Variants in RSRC1 observed in about 807,000 individuals in gnomAD.
The protein encoded by RSRC1 is arginine and serine rich coiled-coil 1.
Under a neutral mutation model 49.1 loss-of-function variants are expected in RSRC1, and 39 were observed. The observed-to-expected ratio is 0.79, with a 90% CI of 0.61 to 1.04. The LOEUF (loss-of-function observed/expected upper bound fraction) is 1.04, where lower values mean the gene tolerates loss of function less well. Ranked by LOEUF, RSRC1 falls within the 50% of genes least tolerant of loss-of-function variation. The pLI is 0.00. For synonymous variants in RSRC1, 143 were observed against 130.8 expected (o/e 1.09, Z -0.63); for missense variants, 388 against 402.4 (o/e 0.96, Z 0.31).
chr3:158,338,722 T>A lies in RSRC1; in HGVS notation c.532-16135T>A, dbSNP rs547179354. On this transcript the variant is annotated intron_variant, in intron 5 of 9. Transcript: ENST00000611884. The stretch of plus-strand genomic sequence containing the variant: ...ATTAAAAATGATTAGATTTATCTTT[T>A]TTCCCTATGAAAGTTAATGAGCAAA... Among the ~76,000 whole-genome samples, 3 of 152,346 alleles carry A rather than the reference T, an allele frequency of 2.0e-5. No individual in the cohort carries two copies. The East Asian group carries it at 5.8e-4, about 29-fold the overall frequency.
In RSRC1 at chr3:158,239,250, A is replaced by C. The variant is rs182694290; in HGVS notation, c.494+36005A>C. 5.8e-3 allele frequency among the ~76,000 whole-genome samples: 885 copies of C among 152,002 alleles called. 10 individuals are homozygous for C. The highest frequency in any genetic ancestry group is 0.021 in the African/African-American group (849 of 41,276). On this transcript the variant is annotated intron_variant, in intron 4 of 9. Coordinates refer to ENST00000611884, the MANE Select transcript of RSRC1 (RefSeq NM_001271838.2). Reference sequence around the variant, plus strand: ...GGATGTGGAGAAATAGAATGCTTTTACACTGTAGGTGGGAGTGTAAATTAG... The same window carrying C: ...GGATGTGGAGAAATAGAATGCTTTTCCACTGTAGGTGGGAGTGTAAATTAG...
chr3:158,435,930 T>C (rs985323234), intron 6 of RSRC1, among the ~76,000 whole-genome samples: 2 of 151,362 alleles, frequency 1.3e-5, no homozygotes, highest in African/African-American at 4.8e-5. Flanking sequence ...AATATTCATA[T>C]GGCTAGAATG....
At chr3:158,421,960 C>A (rs1735084918) in intron 6 of RSRC1, among the ~76,000 whole-genome samples, 1 of 151,780 alleles carries the variant, frequency 6.6e-6, no homozygotes. Flanking sequence ...CTATCCATTC[C>A]TACCCTCATA....
intron 1 of RSRC1, among the ~76,000 whole-genome samples, chr3:158,119,679 A>G (rs1339130126): frequency 6.7e-6 from 1 of 149,712 alleles, no homozygotes; most frequent in Non-Finnish European, 1.5e-5. Context: ...TAATGGATAT[A>G]TGTATATATT....
At chr3:158,320,395 G>C (rs1238362703) in intron 5 of RSRC1, among the ~76,000 whole-genome samples, 1 of 152,162 alleles carries the variant, frequency 6.6e-6, no homozygotes, top group African/African-American at 2.4e-5. Flanking sequence ...TATGTAATAT[G>C]TGTTTGTTAT....
At chr3:158,239,390 A>G (rs1054268341) in intron 4 of RSRC1, among the ~76,000 whole-genome samples, 3 of 152,222 alleles carry the variant, frequency 2.0e-5, no homozygotes, top group African/African-American at 4.8e-5. Flanking sequence ...AAATCATGCT[A>G]CTATAAAGAC....
chr3:158,211,525 A>C (rs1445294042), intron 4 of RSRC1, among the ~76,000 whole-genome samples: 2 of 151,898 alleles, frequency 1.3e-5, no homozygotes, highest in African/African-American at 2.4e-5. Flanking sequence ...CACTGGACAA[A>C]ATTCATTTGC....
intron 8 of RSRC1, among the ~76,000 whole-genome samples, chr3:158,537,568 G>T (rs1253376110): frequency 6.6e-6 from 1 of 151,424 alleles, no homozygotes. Context: ...AGTTAGAAAA[G>T]GGCTTTAATA....
chr3:158,256,756 CT>C (rs1171412226), intron 4 of RSRC1, among the ~76,000 whole-genome samples: 1 of 152,002 alleles, frequency 6.6e-6, no homozygotes, highest in East Asian at 1.9e-4. Flanking sequence ...GAGCCTGTTA[CT>C]TGTCTATTCA....
intron 3 of RSRC1, among the ~76,000 whole-genome samples, chr3:158,185,798 A>G (rs1456439873): frequency 2.6e-5 from 4 of 152,018 alleles, no homozygotes; most frequent in African/African-American, 9.7e-5. Flanking sequence ...AGTATATAGC[A>G]TTTTAAGATT....
chr3:158,499,642 A>G (rs534330722), intron 7 of RSRC1, among the ~76,000 whole-genome samples: 2 of 152,126 alleles, frequency 1.3e-5, no homozygotes, highest in African/African-American at 2.4e-5. Context: ...TTTTTCAGCT[A>G]TTGTAAAAGG....
At chr3:158,193,325 A>G (rs1209011315) in intron 3 of RSRC1, among the ~76,000 whole-genome samples, 1 of 152,074 alleles carries the variant, frequency 6.6e-6, no homozygotes, top group Non-Finnish European at 1.5e-5. Flanking sequence ...AATCCACCTC[A>G]TCTGGAACCA....
At chr3:158,510,054 G>C (rs1031116407) in intron 7 of RSRC1, among the ~76,000 whole-genome samples, 2 of 152,068 alleles carry the variant, frequency 1.3e-5, no homozygotes, top group African/African-American at 4.8e-5. Context: ...CCTAACTATT[G>C]CATAACATTT....
intron 7 of RSRC1, among the ~76,000 whole-genome samples, chr3:158,513,903 C>T (rs960609532): frequency 6.6e-6 from 1 of 152,098 alleles, no homozygotes; most frequent in Non-Finnish European, 1.5e-5. Context: ...AGTTTATTTG[C>T]GTAGAGGTGT....
intron 3 of RSRC1, among the ~76,000 whole-genome samples, chr3:158,177,898 G>A (rs903421512): frequency 3.9e-5 from 6 of 152,058 alleles, no homozygotes; most frequent in African/African-American, 1.4e-4. Context: ...AGCAAAAAAT[G>A]TGATTTCGTT....
At chr3:158,454,476 G>A (rs958925739) in intron 6 of RSRC1, among the ~76,000 whole-genome samples, 25 of 151,938 alleles carry the variant, frequency 1.6e-4, no homozygotes, top group African/African-American at 4.8e-4. Flanking sequence ...GGGAAAATTC[G>A]TTGGTAAGAT....
chr3:158,337,197 ACATTCCACATCCT>A lies in RSRC1; in HGVS notation c.532-17638_532-17626del, dbSNP rs573600723. ...CCCGCTTCCCACGCGGAGAGCGAAG[ACATTCCACATCCT>A]CATTCCACATCCTCATTCCACCTCC... On this transcript the variant is annotated intron_variant, in intron 5 of 9. Coordinates refer to ENST00000611884, the MANE Select transcript of RSRC1 (RefSeq NM_001271838.2). Among the ~76,000 whole-genome samples the A allele has an allele frequency of 3.9e-5, 6 of 152,210 alleles. No individual in the cohort carries two copies. In the South Asian group the frequency reaches 8.3e-4, roughly 21 times the overall value.
At chr3:158,290,489 A>G (rs1222629085) in intron 4 of RSRC1, among the ~76,000 whole-genome samples, 1 of 152,008 alleles carries the variant, frequency 6.6e-6, no homozygotes, top group Non-Finnish European at 1.5e-5. Flanking sequence ...GTTAGCCAGG[A>G]TGGTCTCGAT....
intron 3 of RSRC1, among the ~76,000 whole-genome samples, chr3:158,192,215 A>C (rs1323834921): frequency 6.6e-6 from 1 of 152,196 alleles, no homozygotes; most frequent in South Asian, 2.1e-4. Context: ...TACTGTGCAT[A>C]CTGTGATGTT....
Sources: allele counts gnomAD v4.1 joint callset (sites outside exome capture counted in the v4.1 genomes callset), GRCh38; gene constraint gnomAD v4.1.1; transcripts MANE v1.5; gene names NCBI Gene and HGNC (gene_info 2026-07-23, HGNC 2026-07-21).